The following CDH23 variants were observed in gnomAD, a reference collection of about 807,000 sequenced individuals.
CDH23 encodes the protein cadherin-23.
In CDH23, 189 loss-of-function variants were observed where a neutral mutation model predicts 317.1. The observed-to-expected ratio is 0.60, with a 90% CI of 0.53 to 0.67. The LOEUF is 0.67. Ranked by LOEUF, CDH23 falls within the 30% of genes least tolerant of loss-of-function variation. CDH23 has a pLI of 0.00. For missense variants in CDH23, 4,401 were observed against 4,592.4 expected (o/e 0.96, Z 1.20); for synonymous variants, 1,839 against 1,876.8 (o/e 0.98, Z 0.52).
In CDH23 at chr10:71,614,343, G is replaced by A. The variant is rs117828898; in HGVS notation, c.833-1161G>A. Among the ~76,000 whole-genome samples the A allele has an allele frequency of 5.8e-3, 887 of 152,386 alleles. 1 individual carries two copies. The highest frequency in any genetic ancestry group is 9.8e-3 in the Non-Finnish European group (666 of 68,044). ...TTGCTGGGTGGGTGAATGAATGGGAGTGAGTGAGTATGTGAATGAACCAAC... is the reference window on the plus strand; with the variant it reads ...TTGCTGGGTGGGTGAATGAATGGGAATGAGTGAGTATGTGAATGAACCAAC... On this transcript the variant is annotated intron_variant, in intron 9 of 69. Transcript: ENST00000224721.
At chr10:71,661,240 A>G (rs1034185210) in intron 14 of CDH23, among the ~76,000 whole-genome samples, 1 of 152,120 alleles carries the variant, frequency 6.6e-6, no homozygotes. Flanking sequence ...TAGCCAACAT[A>G]CAAGCTGACC....
rs117043194 is a variant in CDH23 at position 71,633,424 on chromosome 10, C to T, written c.1135-10437C>T. ...GCGGCCAATACACATACACGCCCCA[C>T]GCCCCAAAGATAGGGAATATGTCAA... On this transcript the variant is annotated intron_variant, in intron 11 of 69. Coordinates refer to ENST00000224721, the MANE Select transcript of CDH23 (RefSeq NM_022124.6). Among the ~76,000 whole-genome samples the T allele has an allele frequency of 7.9e-3, 1,196 of 152,252 alleles. 6 individuals are homozygous for T. The highest frequency in any genetic ancestry group is 0.012 in the Non-Finnish European group (808 of 68,008).
At chr10:71,792,852 A>AAAT (rs1841297946) in intron 47 of CDH23, among the ~76,000 whole-genome samples, 13 of 38,490 alleles carry the variant, frequency 3.4e-4, no homozygotes, top group Non-Finnish European at 5.5e-4. Context: ...AAAAAAAAAA[A>AAAT]ATATATATAT....
rs771125955 is a variant in CDH23 at position 71,751,780 on chromosome 10, G to T, written c.4845+9859G>T. The T allele has an allele frequency of 6.2e-7, 1 of 1,601,890 alleles. No individual in the cohort carries two copies. The highest frequency in any genetic ancestry group is 1.1e-5 in the South Asian group (1 of 90,024). On this transcript the variant is annotated intron_variant, in intron 38 of 69. Coordinates refer to ENST00000224721, the MANE Select transcript of CDH23 (RefSeq NM_022124.6). The surrounding 1 kb of genome is among the most constrained non-coding windows in gnomAD (Gnocchi z 4.9). ...GCTGCCGCTGGGCCACATAGGACAG[G>T]GGGTGCCTGACTTTGGCCTCGGGTA...
At chr10:71,805,069 G>C (rs1298730865) in intron 55 of CDH23, among the ~76,000 whole-genome samples, 1 of 152,196 alleles carries the variant, frequency 6.6e-6, no homozygotes, top group Admixed American at 6.5e-5. Flanking sequence ...TGATCCATGA[G>C]ATAAACAATG....
intron 41 of CDH23, among the ~76,000 whole-genome samples, chr10:71,783,858 T>A (rs1013389907): frequency 2.6e-5 from 4 of 152,210 alleles, no homozygotes; most frequent in Non-Finnish European, 5.9e-5. Flanking sequence ...ATATCCTTTT[T>A]TACAAGCCAT....
At chr10:71,687,998 G>A (rs1008034369) in intron 19 of CDH23, among the ~76,000 whole-genome samples, 1 of 152,196 alleles carries the variant, frequency 6.6e-6, no homozygotes, top group African/African-American at 2.4e-5. Flanking sequence ...AAAGAATAAT[G>A]ATCCATGATT....
rs1865290186 is a variant in CDH23, at chr10:71,694,256, C to T, written c.2286C>T (p.Ala762=). 1 of 1,610,892 alleles carries T rather than the reference C, an allele frequency of 6.2e-7. No individual in the cohort carries two copies. ...GVGHNQKTGI[A]TVNITLLDIN... is the part of the protein sequence containing the mutation. ...GCCACAACCAGAAAACTGGCATCGC[C>T]ACCGTGAGTGCGCTCCCCTCCCGTG... Residue 762 remains alanine (A), a synonymous_variant, in exon 21 of 70, where the codon GCC becomes GCT. Transcript: ENST00000224721.
intron 38 of CDH23, chr10:71,761,656 G>T (rs748283137): frequency 6.2e-7 from 1 of 1,613,068 alleles, no homozygotes; most frequent in Non-Finnish European, 8.5e-7. Context: ...GGTGGTGCCT[G>T]ATCTCCACCA....
intron 31 of CDH23, among the ~76,000 whole-genome samples, chr10:71,731,671 G>A (rs1225179701): frequency 3.3e-5 from 5 of 152,186 alleles, no homozygotes; most frequent in African/African-American, 9.7e-5. Context: ...CCCAATGCTT[G>A]TATGTCCAGA....
chr10:71,486,069 C>T (rs1028822749), intron 3 of CDH23, among the ~76,000 whole-genome samples: 11 of 152,164 alleles, frequency 7.2e-5, no homozygotes, highest in Non-Finnish European at 1.3e-4. Flanking sequence ...CCTGGAGCCA[C>T]GCCTGTCCTG....
At chr10:71,524,032 C>G (rs548827719) in intron 6 of CDH23, among the ~76,000 whole-genome samples, 8 of 152,232 alleles carry the variant, frequency 5.3e-5, no homozygotes, top group Non-Finnish European at 1.0e-4. Flanking sequence ...CTGGGATCTT[C>G]CATTCCTAAT....
chr10:71,778,854 C>T (rs1840880924), intron 40 of CDH23, among the ~76,000 whole-genome samples: 1 of 152,162 alleles, frequency 6.6e-6, no homozygotes, highest in Non-Finnish European at 1.5e-5. Context: ...CTCCTGGACT[C>T]AAGAGCAATC....
intron 48 of CDH23, 40 bp downstream of exon 48, chr10:71,793,680 C>G: frequency 7.1e-7 from 1 of 1,413,686 alleles, no homozygotes; most frequent in Non-Finnish European, 9.6e-7. Flanking sequence ...CTCCCAGCTC[C>G]CAGTCCTGTC....
intron 38 of CDH23, among the ~76,000 whole-genome samples, chr10:71,765,345 G>A (rs1349553350): frequency 6.6e-6 from 1 of 152,264 alleles, no homozygotes; most frequent in East Asian, 1.9e-4. Flanking sequence ...CAGCAGACAC[G>A]GGGCTGCAGG....
chr10:71,566,921 C>T lies in CDH23; in HGVS notation c.609C>T (p.Leu203=), dbSNP rs1857438790. The change falls in exon 7 of 70, where the codon CTC becomes CTT. Residue 203 remains leucine (L), a synonymous_variant. Coordinates refer to ENST00000224721, the MANE Select transcript of CDH23 (RefSeq NM_022124.6). ...LDYETTQAYQ[L]TVNATDQDKT... The stretch of plus-strand genomic sequence containing the variant: ...ACGAGACCACACAGGCCTACCAGCT[C>T]ACGGTCAACGCCACAGTGAGTCTCC... 6.2e-7 allele frequency: 1 copy of T among 1,612,846 alleles called. No individual in the cohort carries two copies. The highest frequency in any genetic ancestry group is 8.5e-7 in the Non-Finnish European group (1 of 1,179,858).
At position 71,592,670 on chromosome 10, in the gene CDH23, A is replaced by G. The variant is rs568110190; in HGVS notation, c.832+14678A>G. The stretch of plus-strand genomic sequence containing the variant: ...AGGGCCCACCCAGACAATCCATGCT[A>G]ATCTCCCATTGCAAGATCTTTAACC... On this transcript the variant is annotated intron_variant, in intron 9 of 69. Coordinates refer to ENST00000224721, the MANE Select transcript of CDH23 (RefSeq NM_022124.6). Among the ~76,000 whole-genome samples the G allele has an allele frequency of 2.0e-5, 3 of 152,230 alleles. No homozygotes were observed. The East Asian group carries it at 5.8e-4, about 29-fold the overall frequency.
chr10:71,454,401 T>G (rs1850588397), intron 3 of CDH23, among the ~76,000 whole-genome samples: 4 of 152,244 alleles, frequency 2.6e-5, no homozygotes, highest in Admixed American at 2.6e-4. Context: ...CTTTAATGTG[T>G]CAGACAAGCT....
At chr10:71,436,472 C>A (rs922366931) in intron 1 of CDH23, among the ~76,000 whole-genome samples, 6 of 152,240 alleles carry the variant, frequency 3.9e-5, no homozygotes, top group African/African-American at 1.4e-4. Context: ...TCCCCTCTTA[C>A]AAAGTCAGGA....
Sources: gnomAD v4.1 joint callset for allele counts (sites outside exome capture counted in the v4.1 genomes callset) on GRCh38, gnomAD v4.1.1 for gene constraint, Gnocchi (gnomAD v3.1) non-coding constraint, MANE v1.5 for transcripts, NCBI Gene and HGNC (gene_info 2026-07-23, HGNC 2026-07-21) for gene names.